Variants in TDRD9 observed in about 807,000 individuals in gnomAD.
TDRD9 encodes tudor domain containing 9, also known as ATP-dependent RNA helicase TDRD9.
TDRD9 carries 124 observed loss-of-function variants against 172.6 expected under a neutral mutation model. The observed-to-expected ratio is 0.72, with a 90% confidence interval of 0.62 to 0.83. The LOEUF is 0.83. TDRD9 is among the 40% of genes least tolerant of loss of function. The probability of loss-of-function intolerance (pLI) is 0.00; values close to 1 mark genes in which losing one functional copy is unlikely to be tolerated. For missense variants in TDRD9, 1,479 were observed against 1,714.1 expected (o/e 0.86, Z 2.42); for synonymous variants, 619 against 617.1 (o/e 1.00, Z -0.05).
intron 1 of TDRD9, among the ~76,000 whole-genome samples, chr14:103,952,152 A>G (rs1309766918): frequency 1.5e-5 from 2 of 134,584 alleles, no homozygotes; most frequent in Non-Finnish European, 3.1e-5. Flanking sequence ...ATATGTATAT[A>G]CGTGTATATA....
chr14:103,941,597 T>C (rs2152120046), intron 1 of TDRD9: 2 of 1,535,338 alleles, frequency 1.3e-6, no homozygotes, highest in Middle Eastern at 1.7e-4. Flanking sequence ...GCCATTTTAA[T>C]TCCCGAAGCA....
intron 24 of TDRD9, among the ~76,000 whole-genome samples, chr14:104,023,660 C>G (rs1352974862): frequency 3.3e-5 from 5 of 152,246 alleles, no homozygotes; most frequent in Non-Finnish European, 7.3e-5. Flanking sequence ...CCCATAGTCA[C>G]CTATGTGGGA....
chr14:104,034,970 GC>G lies in TDRD9; in HGVS notation c.3631del (p.Leu1211CysfsTer2). 6.4e-7 allele frequency: 1 copy of G among 1,551,518 alleles called. No individual in the cohort carries two copies. Among genetic ancestry groups the G allele is most frequent in the South Asian group, 1.2e-5 (1 of 84,044 alleles). On this transcript the variant is annotated frameshift_variant, in exon 32 of 36. Coordinates refer to ENST00000409874, the MANE Select transcript of TDRD9 (RefSeq NM_153046.3). LOFTEE classifies it high-confidence loss of function. The part of the protein sequence containing the change: ...LSINATGSTM[L>X]LRETSLMPHI... Reference sequence around the variant, plus strand: ...GCATGACTTGAACAGGATCTACGATGCTGCTGAGAGAAACCTCTCTGATGCC... The same window carrying G: ...GCATGACTTGAACAGGATCTACGATGTGCTGAGAGAAACCTCTCTGATGCC...
intron 28 of TDRD9, among the ~76,000 whole-genome samples, chr14:104,028,510 G>C (rs1174290978): frequency 6.6e-6 from 1 of 152,008 alleles, no homozygotes; most frequent in Non-Finnish European, 1.5e-5. Flanking sequence ...TGTCTGTTCA[G>C]ATGCTTTGCC....
intron 1 of TDRD9, chr14:103,942,393 T>C (rs1347860412): frequency 6.6e-6 from 1 of 152,250 alleles, no homozygotes; most frequent in Non-Finnish European, 1.5e-5. Flanking sequence ...GCCTTTTCAA[T>C]GTAGCTCAGT....
At chr14:103,964,880 G>A (rs986920127) in intron 3 of TDRD9, among the ~76,000 whole-genome samples, 11 of 152,050 alleles carry the variant, frequency 7.2e-5, no homozygotes, top group Non-Finnish European at 1.0e-4. Context: ...ACCGTTTGTC[G>A]CCTCCTTGCT....
chr14:104,026,082 A>G lies in TDRD9; in HGVS notation c.2967A>G (p.Val989=), dbSNP rs200267407. The G allele has an allele frequency of 1.2e-6, 2 of 1,611,528 alleles. No individual in the cohort carries two copies. The highest frequency in any genetic ancestry group is 2.7e-5 in the African/African-American group (2 of 74,894). The stretch of plus-strand genomic sequence containing the variant: ...TAGATTATGGCAATAAGTCTCATGT[A>G]GATCTACATCTTTTGATGGAGATTC... ...FFVDYGNKSH[V]DLHLLMEIPC... is the part of the protein sequence containing the mutation. The change falls in exon 27 of 36, where the codon GTA becomes GTG. Residue 989 remains valine (V), a synonymous_variant. Coordinates refer to ENST00000409874, the MANE Select transcript of TDRD9 (RefSeq NM_153046.3).
At chr14:104,014,244 A>T (rs1422263636) in intron 20 of TDRD9, among the ~76,000 whole-genome samples, 96 of 137,716 alleles carry the variant, frequency 7.0e-4, no homozygotes, top group East Asian at 3.7e-3. Flanking sequence ...AAAAAAAAAA[A>T]AAAAAAGATA....
At chr14:103,930,758 TC>T (rs1210613405) in intron 1 of TDRD9, among the ~76,000 whole-genome samples, 1 of 152,194 alleles carries the variant, frequency 6.6e-6, no homozygotes, top group Non-Finnish European at 1.5e-5. Context: ...TAATGGTCCA[TC>T]ACTTACTCCT....
chr14:103,998,983 C>T (rs527804215), intron 13 of TDRD9, among the ~76,000 whole-genome samples: 1 of 152,142 alleles, frequency 6.6e-6, no homozygotes, highest in Admixed American at 6.5e-5. Context: ...TTAGTAGAGA[C>T]GGGGTTTCGC....
intron 2 of TDRD9, among the ~76,000 whole-genome samples, chr14:103,956,551 A>C (rs2032252607): frequency 6.6e-6 from 1 of 152,158 alleles, no homozygotes; most frequent in African/African-American, 2.4e-5. Context: ...CTGAGGCAAG[A>C]GAATCGCTTG....
chr14:104,015,579 T>C (rs773305394), intron 21 of TDRD9, among the ~76,000 whole-genome samples: 1 of 152,116 alleles, frequency 6.6e-6, no homozygotes, highest in Non-Finnish European at 1.5e-5. Context: ...AGTGCTCCAA[T>C]TGGAGTTTTA....
Position 104,017,986 on chromosome 14 carries a change from A to G in TDRD9, c.2332-106A>G, listed in dbSNP as rs1595991647. ...ATATTATGGTTAAAGATAGTAAACT[A>G]TGTTTTTAGAAACTAAAACAGTGTG... On this transcript the variant is annotated intron_variant, in intron 22 of 35. Coordinates refer to ENST00000409874, the MANE Select transcript of TDRD9 (RefSeq NM_153046.3). 1.9e-5 allele frequency: 13 copies of G among 682,716 alleles called. No homozygotes were observed. The East Asian group carries it at 3.0e-4, about 16-fold the overall frequency. 42.3% of individuals were successfully genotyped at this position (682,716 alleles called of 1,614,324 possible). A position where few individuals can be genotyped will look rare whatever the true frequency, so the allele number is the denominator to read the frequency against.
chr14:104,009,905 A>G (rs1451556341), intron 20 of TDRD9, among the ~76,000 whole-genome samples: 3 of 151,558 alleles, frequency 2.0e-5, no homozygotes, highest in African/African-American at 7.3e-5. Context: ...AGCTGGAACT[A>G]CAGGCATATG....
rs1439040210 is a variant in TDRD9, at chr14:103,997,178, T to C, written c.1378+1371T>C. On this transcript the variant is annotated intron_variant, in intron 12 of 35. Coordinates refer to ENST00000409874, the MANE Select transcript of TDRD9 (RefSeq NM_153046.3). The surrounding 1 kb of genome is among the most constrained non-coding windows in gnomAD (Gnocchi z 5.1). ...CCTGAAGTTCACTTAACAGGATTTC[T>C]CTGGGAATAGACTAGAATGAGGCAA... Among the ~76,000 whole-genome samples the C allele has an allele frequency of 6.6e-6, 1 of 152,154 alleles. No homozygotes were observed. Among genetic ancestry groups the C allele is most frequent in the Non-Finnish European group, 1.5e-5 (1 of 68,030 alleles).
Position 104,018,100 on chromosome 14 carries a change from C to G in TDRD9, c.2340C>G (p.His780Gln). ...KDPKTTVVLK[H>Q]IPPYGFLYYK... ...TGTGTTATATTTTACAGTTGAAACA[C>G]ATTCCTCCCTATGGATTTCTTTACT... Residue 780 changes from histidine to glutamine, a missense_variant, in exon 23 of 36, where the codon CAC becomes CAG. Around this residue, in one of 3 missense-constraint regions of TDRD9, gnomAD observed 1,413 missense variants for 1,649.1 expected, o/e 0.86. Coordinates refer to ENST00000409874, the MANE Select transcript of TDRD9 (RefSeq NM_153046.3). The G allele has an allele frequency of 6.3e-7, 1 of 1,590,222 alleles. No individual in the cohort carries two copies. The highest frequency in any genetic ancestry group is 1.1e-5 in the South Asian group (1 of 89,382).
At chr14:104,037,483 C>A (rs576027382) in intron 32 of TDRD9, among the ~76,000 whole-genome samples, 2 of 152,290 alleles carry the variant, frequency 1.3e-5, no homozygotes, top group East Asian at 3.9e-4. Context: ...TTCAACTTTA[C>A]GACTAAGTGA....
chr14:103,991,981 G>T (rs1168326695), intron 9 of TDRD9, among the ~76,000 whole-genome samples: 2 of 152,066 alleles, frequency 1.3e-5, no homozygotes. Flanking sequence ...AAAATATTTG[G>T]CTTTGTGAAA....
At chr14:103,963,013 G>T in intron 2 of TDRD9, 66 bp from the exon 3 acceptor site, 20 of 799,392 alleles carry the variant, frequency 2.5e-5, no homozygotes, top group Non-Finnish European at 3.6e-5. Flanking sequence ...CTATAGATTA[G>T]AACATTGAGT....
Sources: gnomAD v4.1 joint callset for allele counts (sites outside exome capture counted in the v4.1 genomes callset) on GRCh38, gnomAD v4.1.1 for gene constraint, gnomAD v4.1.1 regional missense constraint, Gnocchi (gnomAD v3.1) non-coding constraint, MANE v1.5 for transcripts, NCBI Gene and HGNC (gene_info 2026-07-23, HGNC 2026-07-21) for gene names.